The following CRADD variants were observed in gnomAD, a reference collection of about 807,000 sequenced individuals.
CRADD encodes CARD and death domain containing adaptor protein, also known as death domain-containing protein CRADD.
Under a neutral mutation model 15.5 loss-of-function variants are expected in CRADD, and 9 were observed. The ratio of observed to expected loss-of-function variants is 0.58; its 90% confidence interval spans 0.35 to 1.01. CRADD has a LOEUF of 1.01. Ranked by LOEUF, CRADD falls within the 50% of genes least tolerant of loss-of-function variation. CRADD has a pLI of 0.02. For missense variants in CRADD, 227 were observed against 250.3 expected, an observed-to-expected ratio of 0.91 and a Z score of 0.63; for synonymous variants, 118 against 107.6, an observed-to-expected ratio of 1.10 and a Z score of -0.60.
At chr12:93,697,460 A>T (rs1955737350) in intron 2 of CRADD, among the ~76,000 whole-genome samples, 1 of 152,180 alleles carries the variant, frequency 6.6e-6, no homozygotes, top group Non-Finnish European at 1.5e-5. Context: ...GTGAGAAGTA[A>T]ATTTCTATTG....
intron 2 of CRADD, among the ~76,000 whole-genome samples, chr12:93,868,166 A>G (rs981527794): frequency 6.6e-6 from 1 of 152,332 alleles, no homozygotes; most frequent in South Asian, 2.1e-4. Context: ...AAGTAATCCT[A>G]TAGGAAAGAC....
At chr12:93,680,647 C>A (rs1592872877) in intron 2 of CRADD, among the ~76,000 whole-genome samples, 2 of 152,236 alleles carry the variant, frequency 1.3e-5, no homozygotes, top group African/African-American at 2.4e-5. Flanking sequence ...CAAAATGTAT[C>A]TAGATGTTTT....
At chr12:93,711,055 C>CCCCCCCCCCTTTTT in intron 2 of CRADD, among the ~76,000 whole-genome samples, 2 of 43,508 alleles carry the variant, frequency 4.6e-5, no homozygotes, top group African/African-American at 8.5e-5. Flanking sequence ...CCACCCCCGC[C>CCCCCCCCCCTTTTT]TTTTTTTTTT....
At chr12:93,845,493 T>A (rs7342314) in intron 2 of CRADD, among the ~76,000 whole-genome samples, 1 of 151,836 alleles carries the variant, frequency 6.6e-6, no homozygotes, top group Non-Finnish European at 1.5e-5. Context: ...GGAGGCTGGG[T>A]CACGAGGATC....
At chr12:93,778,544 G>C (rs1288078810) in intron 2 of CRADD, among the ~76,000 whole-genome samples, 1 of 152,136 alleles carries the variant, frequency 6.6e-6, no homozygotes, top group Non-Finnish European at 1.5e-5. Context: ...ACTTTGGTAT[G>C]CTTAGCTGAT....
chr12:93,699,960 A>AT (rs1255607307), intron 2 of CRADD, among the ~76,000 whole-genome samples: 2 of 152,204 alleles, frequency 1.3e-5, no homozygotes, highest in Admixed American at 6.5e-5. Context: ...TCAGCAGAGC[A>AT]TGCAGCATGA....
rs777008946 is a variant in CRADD at position 93,678,918 on chromosome 12, C to T, written c.144C>T (p.Thr48=). ...ENHIQEINAQ[T]TGLRKTMLLL... ...ATATTCAAGAAATCAATGCTCAAAC[C>T]ACAGGCCTCCGGAAAACAATGCTCC... is the stretch of plus-strand genomic sequence containing the variant. The change falls in exon 2 of 3, where the codon ACC becomes ACT. Residue 48 remains threonine, a synonymous_variant. Coordinates refer to ENST00000332896, the MANE Select transcript of CRADD (RefSeq NM_003805.5). 6 of 1,614,158 alleles carry T rather than the reference C, an allele frequency of 3.7e-6. No homozygotes were observed. Among genetic ancestry groups the T allele is most frequent in the Non-Finnish European group, 5.1e-6 (6 of 1,180,026 alleles).
chr12:93,696,368 A>T lies in CRADD; in HGVS notation c.298+17296A>T, dbSNP rs58525783. The stretch of plus-strand genomic sequence containing the variant: ...ATCAACAGATGAATGGATAAAGAAA[A>T]TATAGCATATATACATAATGAAATA... On this transcript the variant is annotated intron_variant, in intron 2 of 2. Coordinates refer to ENST00000332896, the MANE Select transcript of CRADD (RefSeq NM_003805.5). Among the ~76,000 whole-genome samples, 995 of 152,370 alleles carry T rather than the reference A, an allele frequency of 6.5e-3. 20 individuals carry two copies. Among genetic ancestry groups the T allele is most frequent in the African/African-American group, 0.023 (947 of 41,594 alleles).
chr12:93,769,223 A>G (rs185066161), intron 2 of CRADD, among the ~76,000 whole-genome samples: 1 of 152,214 alleles, frequency 6.6e-6, no homozygotes, highest in Non-Finnish European at 1.5e-5. Flanking sequence ...CTGGGACTAC[A>G]GGTATGCGTC....
chr12:93,787,447 T>A (rs967526137), intron 2 of CRADD, among the ~76,000 whole-genome samples: 1 of 152,064 alleles, frequency 6.6e-6, no homozygotes. Context: ...AGGCTAACTT[T>A]GAAATAAGTG....
intron 2 of CRADD, among the ~76,000 whole-genome samples, chr12:93,891,780 C>G (rs7957728): frequency 6.6e-6 from 1 of 151,920 alleles, no homozygotes; most frequent in African/African-American, 2.4e-5. Flanking sequence ...ACTTGAATGC[C>G]GGTCAGATTT....
At chr12:93,691,426 G>A (rs7960050) in intron 2 of CRADD, among the ~76,000 whole-genome samples, 3 of 151,906 alleles carry the variant, frequency 2.0e-5, no homozygotes. Flanking sequence ...GCTAATTTTT[G>A]TATTGTTAGT....
intron 2 of CRADD, among the ~76,000 whole-genome samples, chr12:93,680,998 C>T (rs193197479): frequency 1.4e-4 from 21 of 152,140 alleles, no homozygotes; most frequent in African/African-American, 4.8e-4. Context: ...AATTCTTCTG[C>T]CTCAGCCTCC....
intron 2 of CRADD, among the ~76,000 whole-genome samples, chr12:93,785,357 A>G (rs1189786135): frequency 6.6e-6 from 1 of 152,200 alleles, no homozygotes; most frequent in Admixed American, 6.5e-5. Flanking sequence ...GAAAATAAAA[A>G]TTGTGTCTAC....
At chr12:93,708,222 A>T (rs1955992480) in intron 2 of CRADD, 1 of 152,218 alleles carries the variant, frequency 6.6e-6, no homozygotes, top group South Asian at 2.1e-4. Flanking sequence ...TACACAAGAG[A>T]TGAATAGAAA....
intron 2 of CRADD, among the ~76,000 whole-genome samples, chr12:93,711,454 G>A (rs1035314357): frequency 3.9e-5 from 6 of 152,054 alleles, no homozygotes; most frequent in South Asian, 2.1e-4. Flanking sequence ...TTAAAAACCC[G>A]AGGGGGGATT....
At position 93,850,068 on chromosome 12, in the gene CRADD, C is replaced by A; in HGVS notation, c.397C>A (p.Pro133Thr). The A allele has an allele frequency of 6.2e-7, 1 of 1,612,226 alleles. No homozygotes were observed. The highest frequency in any genetic ancestry group is 8.5e-7 in the Non-Finnish European group (1 of 1,178,258). The change falls in exon 3 of 3, where the codon CCC becomes ACC. Residue 133 changes from proline to threonine, a missense_variant. Transcript: ENST00000332896. The surrounding 1 kb of genome is among the most constrained non-coding windows in gnomAD (Gnocchi z 4.0). ...LAQRLGPEWEPMVLSLGLSQT... is the reference protein window; with the variant it reads ...LAQRLGPEWETMVLSLGLSQT... ...CCAGAGGCTGGGCCCTGAGTGGGAG[C>A]CCATGGTGCTGTCTCTGGGACTGTC... is the stretch of plus-strand genomic sequence containing the variant.
intron 2 of CRADD, among the ~76,000 whole-genome samples, chr12:93,757,954 A>G (rs1956909852): frequency 6.6e-6 from 1 of 152,198 alleles, no homozygotes; most frequent in Non-Finnish European, 1.5e-5. Context: ...TGGTGCAGAT[A>G]GAAAAGGGTG....
At chr12:93,827,318 A>G (rs6538455) in intron 2 of CRADD, among the ~76,000 whole-genome samples, 80,080 of 152,068 alleles carry the variant, frequency 0.53, 22,140 homozygotes, top group East Asian at 0.69. Context: ...GGAGTTCTAC[A>G]GCATTCTCTT....
Sources: gnomAD v4.1 joint callset for allele counts (sites outside exome capture counted in the v4.1 genomes callset) on GRCh38, gnomAD v4.1.1 for gene constraint, Gnocchi (gnomAD v3.1) non-coding constraint, MANE v1.5 for transcripts, NCBI Gene and HGNC (gene_info 2026-07-23, HGNC 2026-07-21) for gene names.